Variants in PPP6R2 observed in about 807,000 individuals in gnomAD.
The protein encoded by PPP6R2 is serine/threonine-protein phosphatase 6 regulatory subunit 2.
PPP6R2 carries 62 observed loss-of-function variants against 100.2 expected under a neutral mutation model. The observed-to-expected ratio is 0.62, with a 90% CI of 0.50 to 0.76. The LOEUF is 0.76. PPP6R2 is among the 30% of genes least tolerant of loss of function. The pLI is 0.00. For synonymous variants in PPP6R2, 525 were observed against 514.7 expected (o/e 1.02, Z -0.27); for missense variants, 1,142 against 1,276.3 (o/e 0.89, Z 1.60).
chr22:50,357,535 C>T (rs985675709), intron 1 of PPP6R2, among the ~76,000 whole-genome samples: 13 of 151,926 alleles, frequency 8.6e-5, no homozygotes, highest in East Asian at 3.9e-4. Context: ...ACTCTGTCAC[C>T]CAGGCTGGAG....
upstream of PPP6R2, among the ~76,000 whole-genome samples, chr22:50,338,463 T>C (rs543763163): frequency 3.8e-3 from 358 of 93,516 alleles, no homozygotes; most frequent in Non-Finnish European, 6.4e-3. Flanking sequence ...TGGTATGTAG[T>C]GTGTGTTATG....
At chr22:50,418,084 C>T (rs1436587331) in intron 6 of PPP6R2, among the ~76,000 whole-genome samples, 4 of 152,206 alleles carry the variant, frequency 2.6e-5, no homozygotes, top group African/African-American at 2.4e-5. Flanking sequence ...TTACAGGACT[C>T]ATTCTGAATA....
chr22:50,399,558 A>C (rs1018617129), intron 3 of PPP6R2, among the ~76,000 whole-genome samples: 1 of 152,234 alleles, frequency 6.6e-6, no homozygotes, highest in Non-Finnish European at 1.5e-5. Flanking sequence ...CACAGGCTCA[A>C]TTATGGGAGG....
rs186612496 is a variant in PPP6R2, at chr22:50,401,793, C to T, written c.228-4896C>T. Among the ~76,000 whole-genome samples, 499 of 151,560 alleles carry T rather than the reference C, an allele frequency of 3.3e-3. 4 individuals are homozygous for T. Among genetic ancestry groups the T allele is most frequent in the Non-Finnish European group, 4.1e-3 (279 of 67,866 alleles). On this transcript the variant is annotated intron_variant, in intron 3 of 23. Coordinates refer to ENST00000612753, the MANE Select transcript of PPP6R2 (RefSeq NM_001242898.2). ...GAGTACAGGCGCCTGCCACCACGCC[C>T]GGCTAATTTTTTTGTATTTTTTAGT... is the stretch of plus-strand genomic sequence containing the variant.
At chr22:50,442,606 G>C (rs937868343) in intron 22 of PPP6R2, among the ~76,000 whole-genome samples, 1 of 152,262 alleles carries the variant, frequency 6.6e-6, no homozygotes, top group East Asian at 1.9e-4. Flanking sequence ...CTGGAGTGCA[G>C]TGGCGCAATC....
chr22:50,416,014 C>T, intron 5 of PPP6R2, 78 bp from the exon 6 acceptor site: 2 of 1,353,598 alleles, frequency 1.5e-6, no homozygotes, highest in Non-Finnish European at 2.1e-6. Flanking sequence ...GGGTGCAGTG[C>T]TGCACCAAAG....
chr22:50,437,631 C>T (rs748173845), intron 16 of PPP6R2, 28 bp downstream of exon 16: 25 of 1,550,122 alleles, frequency 1.6e-5, no homozygotes, highest in South Asian at 3.3e-5. Context: ...GCACTCTGCA[C>T]GAGGCGCGGC....
At chr22:50,424,629 T>C (rs1053310994) in intron 10 of PPP6R2, among the ~76,000 whole-genome samples, 1 of 121,798 alleles carries the variant, frequency 8.2e-6, no homozygotes, top group African/African-American at 3.2e-5. Flanking sequence ...TTTTCCCTCT[T>C]CTTCTTTTTT....
intron 1 of PPP6R2, among the ~76,000 whole-genome samples, chr22:50,366,774 A>G (rs1324580879): frequency 6.6e-6 from 1 of 151,982 alleles, no homozygotes. Flanking sequence ...GCTACCTTGG[A>G]CTGCCTGAAC....
At chr22:50,341,289 T>C (rs2042365843), upstream of PPP6R2, among the ~76,000 whole-genome samples, 1 of 151,996 alleles carries the variant, frequency 6.6e-6, no homozygotes, top group African/African-American at 2.4e-5. Context: ...CATTGAAGCC[T>C]CAACTACCTG....
chr22:50,391,631 C>T, intron 2 of PPP6R2, among the ~76,000 whole-genome samples: 1 of 150,790 alleles, frequency 6.6e-6, no homozygotes. Flanking sequence ...CAATGTTTGT[C>T]TTTAATTGAA....
At position 50,414,030 on chromosome 22, in the gene PPP6R2, C is replaced by T. The variant is rs2060136560; in HGVS notation, c.415-522C>T. 2.0e-5 allele frequency among the ~76,000 whole-genome samples: 3 copies of T among 152,192 alleles called. No individual in the cohort carries two copies. In the South Asian group the frequency reaches 6.2e-4, roughly 31 times the overall value. Reference sequence around the variant, plus strand: ...CACCTTGTTGGCACTGGTCATCAGCCAGCTGCAGGATGCCTCTTTTTCTTT... The same window carrying T: ...CACCTTGTTGGCACTGGTCATCAGCTAGCTGCAGGATGCCTCTTTTTCTTT... On this transcript the variant is annotated intron_variant, in intron 4 of 23. Transcript: ENST00000612753.
intron 18 of PPP6R2, 56 bp from the exon 19 acceptor site, chr22:50,438,543 T>A: frequency 6.3e-7 from 1 of 1,588,330 alleles, no homozygotes; most frequent in South Asian, 1.1e-5. Flanking sequence ...CCACTGACCC[T>A]CCATGTTAGG....
At chr22:50,422,737 G>A (rs1356560600) in intron 9 of PPP6R2, among the ~76,000 whole-genome samples, 3 of 152,104 alleles carry the variant, frequency 2.0e-5, no homozygotes, top group African/African-American at 4.8e-5. Flanking sequence ...TGTTGAGGGG[G>A]GTGAGGCACA....
intron 3 of PPP6R2, among the ~76,000 whole-genome samples, chr22:50,405,897 G>A (rs1414960023): frequency 5.6e-5 from 7 of 126,034 alleles, no homozygotes; most frequent in African/African-American, 1.2e-4. Flanking sequence ...GAGGTGAGAG[G>A]CCTGGCAGGC....
chr22:50,399,434 C>T (rs1280359686), intron 3 of PPP6R2, among the ~76,000 whole-genome samples: 1 of 152,250 alleles, frequency 6.6e-6, no homozygotes, highest in Non-Finnish European at 1.5e-5. Flanking sequence ...ACCTGTGCTT[C>T]GCGACTCTGC....
chr22:50,331,378 T>C, the PPP6R2 span, among the ~76,000 whole-genome samples: 3 of 152,178 alleles, frequency 2.0e-5, no homozygotes, highest in Non-Finnish European at 2.9e-5. Flanking sequence ...GGAGAAATTA[T>C]CAAACTTTTC....
At chr22:50,443,170 C>T (rs1164837308) in intron 22 of PPP6R2, 2 of 152,246 alleles carry the variant, frequency 1.3e-5, no homozygotes, top group Non-Finnish European at 2.9e-5. Flanking sequence ...CAAAACAAAC[C>T]TTTACCCACT....
rs1603332832 is a variant in PPP6R2, at chr22:50,419,092, C to A, written c.731+113C>A. The A allele has an allele frequency of 2.2e-5, 20 of 892,008 alleles. No homozygotes were observed. In the East Asian group the frequency reaches 4.5e-4, roughly 20 times the overall value. The allele number at this position is 892,008 out of a possible 1,614,324, so 55.3% of individuals were successfully genotyped here. On this transcript the variant is annotated intron_variant, in intron 7 of 23. Coordinates refer to ENST00000612753, the MANE Select transcript of PPP6R2 (RefSeq NM_001242898.2). ...GTTGCCACCTCCTCTGATTCACATT[C>A]GAATGAACCCCAGGTTCAGAGCCCA...
Sources: allele counts gnomAD v4.1 joint callset (sites outside exome capture counted in the v4.1 genomes callset), GRCh38; gene constraint gnomAD v4.1.1; transcripts MANE v1.5; gene names NCBI Gene and HGNC (gene_info 2026-07-23, HGNC 2026-07-21).